Variants in DCC observed in about 807,000 individuals in gnomAD.
DCC encodes netrin receptor DCC.
A neutral mutation model predicts 172.5 loss-of-function variants in DCC; 58 were observed. That is an observed-to-expected ratio of 0.34 (90% CI 0.27 to 0.42). DCC has a LOEUF of 0.42. DCC is among the 10% of genes least tolerant of loss of function. The pLI is 1.00. For missense variants in DCC, 1,740 were observed against 1,791.0 expected (o/e 0.97, Z 0.51); for synonymous variants, 709 against 644.5 (o/e 1.10, Z -1.52).
intron 26 of DCC, among the ~76,000 whole-genome samples, chr18:53,488,015 C>CA (rs796445171): frequency 1.3e-4 from 19 of 150,578 alleles, no homozygotes; most frequent in East Asian, 5.8e-4. Context: ...CTCTCTGCAA[C>CA]AAAAAAAAAG....
chr18:52,926,851 A>G (rs1282365054), intron 5 of DCC, among the ~76,000 whole-genome samples: 2 of 145,124 alleles, frequency 1.4e-5, no homozygotes, highest in Non-Finnish European at 3.1e-5. Context: ...ACACACATAT[A>G]CGTGTGTGTG....
At chr18:53,051,734 C>A (rs1419035083) in intron 5 of DCC, among the ~76,000 whole-genome samples, 1 of 151,990 alleles carries the variant, frequency 6.6e-6, no homozygotes, top group Admixed American at 6.6e-5. Flanking sequence ...TTTGGTTTTT[C>A]TTTCTGGATG....
intron 12 of DCC, among the ~76,000 whole-genome samples, chr18:53,297,934 A>G (rs1180846171): frequency 6.6e-6 from 1 of 152,204 alleles, no homozygotes; most frequent in African/African-American, 2.4e-5. Context: ...AATAAAACTG[A>G]TAATAATCAC....
intron 13 of DCC, among the ~76,000 whole-genome samples, chr18:53,311,121 T>A (rs12607694): frequency 2.8e-5 from 3 of 107,302 alleles, no homozygotes; most frequent in Admixed American, 1.2e-4. Flanking sequence ...TTATTTATTT[T>A]ATTTATTTAT....
intron 1 of DCC, among the ~76,000 whole-genome samples, chr18:52,616,811 G>A (rs915855930): frequency 6.6e-6 from 1 of 152,120 alleles, no homozygotes; most frequent in East Asian, 1.9e-4. Flanking sequence ...TAGTGAAAAA[G>A]GACTCTAGAC....
chr18:53,193,637 T>G (rs2055398915), intron 9 of DCC, among the ~76,000 whole-genome samples: 1 of 152,248 alleles, frequency 6.6e-6, no homozygotes, highest in East Asian at 1.9e-4. Flanking sequence ...CAAGATGTAA[T>G]AGATGGGATT....
intron 4 of DCC, 143 bp downstream of exon 4, chr18:52,924,000 A>ATACAGTT (rs2040163237): frequency 1.0e-5 from 7 of 703,502 alleles, no homozygotes; most frequent in South Asian, 9.6e-5. Flanking sequence ...TCTTGGCATG[A>ATACAGTT]TACAGTTATA....
intron 11 of DCC, among the ~76,000 whole-genome samples, chr18:53,212,715 G>A (rs537742413): frequency 6.7e-6 from 1 of 150,370 alleles, no homozygotes; most frequent in Non-Finnish European, 1.5e-5. Context: ...GTCTTGCCCA[G>A]GGTGGAGTGC....
At chr18:52,883,352 G>GTA (rs1223387437) in intron 2 of DCC, among the ~76,000 whole-genome samples, 4 of 96,842 alleles carry the variant, frequency 4.1e-5, no homozygotes, top group African/African-American at 1.6e-4. Context: ...ATTTATTTAT[G>GTA]TGTGTGTGTG....
At chr18:53,023,973 G>T (rs1224283356) in intron 5 of DCC, among the ~76,000 whole-genome samples, 1 of 152,000 alleles carries the variant, frequency 6.6e-6, no homozygotes, top group African/African-American at 2.4e-5. Context: ...TATATGTTAT[G>T]GTTCAGTTAT....
intron 12 of DCC, among the ~76,000 whole-genome samples, chr18:53,276,626 T>A (rs113705075): frequency 6.6e-6 from 1 of 152,124 alleles, no homozygotes; most frequent in Non-Finnish European, 1.5e-5. Flanking sequence ...TGAACCAGTA[T>A]GATTAATAAT....
chr18:53,418,291 C>T lies in DCC; in HGVS notation c.3163+2135C>T, dbSNP rs190052381. ...CAAAGAAAGCATATAAAATTTGCTG[C>T]ACCCTCAAAGCACGTTTTATAAACA... On this transcript the variant is annotated intron_variant, in intron 21 of 28. Coordinates refer to ENST00000442544, the MANE Select transcript of DCC (RefSeq NM_005215.4). Among the ~76,000 whole-genome samples, 281 of 152,186 alleles carry T rather than the reference C, an allele frequency of 1.8e-3. 5 individuals are homozygous for T. In the South Asian group the frequency reaches 0.023, roughly 12 times the overall value.
chr18:52,746,773 G>A (rs1483629381), intron 1 of DCC, among the ~76,000 whole-genome samples: 1 of 65,880 alleles, frequency 1.5e-5, no homozygotes, highest in Non-Finnish European at 3.0e-5. Flanking sequence ...GCTTATTTAT[G>A]TCTGAGAAAA....
intron 8 of DCC, among the ~76,000 whole-genome samples, chr18:53,172,779 T>C (rs1319734154): frequency 1.3e-5 from 2 of 152,122 alleles, no homozygotes; most frequent in Non-Finnish European, 2.9e-5. Flanking sequence ...TCATGTCTTT[T>C]ACCCAAAGTT....
At chr18:52,400,003 A>T (rs918688804) in intron 1 of DCC, among the ~76,000 whole-genome samples, 1 of 152,050 alleles carries the variant, frequency 6.6e-6, no homozygotes. Flanking sequence ...GATAATAAAT[A>T]AATACAATTA....
chr18:53,369,352 G>C (rs905448975), intron 15 of DCC, among the ~76,000 whole-genome samples: 1 of 151,746 alleles, frequency 6.6e-6, no homozygotes, highest in African/African-American at 2.4e-5. Flanking sequence ...CTTTACACTT[G>C]ATTTTAGCTA....
At chr18:53,456,966 A>G (rs931782917) in intron 23 of DCC, among the ~76,000 whole-genome samples, 3 of 152,202 alleles carry the variant, frequency 2.0e-5, no homozygotes, top group African/African-American at 7.2e-5. Flanking sequence ...AAAGAAGGAG[A>G]GGCTCTCCAA....
chr18:52,642,797 G>C (rs72919036), intron 1 of DCC, among the ~76,000 whole-genome samples: 4,750 of 152,184 alleles, frequency 0.031, 123 homozygotes, highest in Admixed American at 0.078. Flanking sequence ...CCACCTAGTT[G>C]CGACTATGGG....
chr18:53,508,931 C>A (rs2046217185), intron 27 of DCC, among the ~76,000 whole-genome samples: 1 of 152,168 alleles, frequency 6.6e-6, no homozygotes, highest in South Asian at 2.1e-4. Context: ...GCAAATGATC[C>A]CACCACATTA....
Sources: gnomAD v4.1 joint callset for allele counts (sites outside exome capture counted in the v4.1 genomes callset) on GRCh38, gnomAD v4.1.1 for gene constraint, MANE v1.5 for transcripts, NCBI Gene and HGNC (gene_info 2026-07-23, HGNC 2026-07-21) for gene names.